SLC7A9: variants seen among roughly 807,000 people sequenced by gnomAD.
The protein encoded by SLC7A9 is solute carrier family 7 member 9.
SLC7A9 carries 38 observed loss-of-function variants against 54.1 expected under a neutral mutation model. That is an observed-to-expected ratio of 0.70 (90% confidence interval 0.54 to 0.92). SLC7A9 has a LOEUF of 0.92. Among genes scored for constraint, SLC7A9 ranks in the 40% least tolerant of loss-of-function variants. The pLI is 0.00. For missense variants in SLC7A9, 537 were observed against 636.1 expected (o/e 0.84, Z 1.68); for synonymous variants, 264 against 258.9 (o/e 1.02, Z -0.19).
intron 5 of SLC7A9, 36 bp downstream of exon 5, chr19:32,862,425 G>A (rs370233389): frequency 6.8e-5 from 110 of 1,611,812 alleles, no homozygotes; most frequent in Non-Finnish European, 8.5e-5. Context: ...GGCGTTTGGT[G>A]TGTGCCCGTG....
intron 12 of SLC7A9, among the ~76,000 whole-genome samples, chr19:32,832,613 G>T (rs1219774529): frequency 7.3e-6 from 1 of 137,180 alleles, no homozygotes; most frequent in Non-Finnish European, 1.6e-5. Flanking sequence ...AAGAAAGAAA[G>T]AAAGAAAAAG....
At chr19:32,845,864 T>G (rs1245376099) in intron 9 of SLC7A9, among the ~76,000 whole-genome samples, 1 of 151,762 alleles carries the variant, frequency 6.6e-6, no homozygotes, top group African/African-American at 2.4e-5. Context: ...AAAAATTAGG[T>G]GTGATGGCAG....
chr19:32,866,074 C>T (rs765847748), intron 2 of SLC7A9, among the ~76,000 whole-genome samples: 4 of 152,148 alleles, frequency 2.6e-5, no homozygotes, highest in Non-Finnish European at 5.9e-5. Flanking sequence ...GAAGCAGCCC[C>T]GGCCAGATCT....
intron 11 of SLC7A9, among the ~76,000 whole-genome samples, chr19:32,837,451 A>T (rs1380143310): frequency 1.4e-5 from 2 of 146,596 alleles, no homozygotes; most frequent in Non-Finnish European, 3.0e-5. Context: ...TTGTAATCAC[A>T]CCACTGCACT....
At chr19:32,854,056 G>A (rs1054722646) in intron 9 of SLC7A9, among the ~76,000 whole-genome samples, 3 of 150,022 alleles carry the variant, frequency 2.0e-5, no homozygotes, top group African/African-American at 7.4e-5. Flanking sequence ...CTCCCAGGCT[G>A]GAGTGCAGTG....
Position 32,859,865 on chromosome 19 carries a change from G to C in SLC7A9, c.849C>G (p.Leu283=). 6.2e-7 allele frequency: 1 copy of C among 1,614,124 alleles called. No homozygotes were observed. The highest frequency in any genetic ancestry group is 1.1e-5 in the South Asian group (1 of 91,086). The change falls in exon 8 of 13, where the codon CTC becomes CTG. Residue 283 remains leucine (L), a synonymous_variant. Coordinates refer to ENST00000023064, the MANE Select transcript of SLC7A9 (RefSeq NM_014270.5). The part of the protein sequence containing the change: ...SYFTVMTATE[L]LQSQAVAVTF... The stretch of plus-strand genomic sequence containing the variant: ...CCACAGCCACCGCCTGGGACTGCAG[G>C]AGTTCGGTGGCAGTCATCACGGTGA...
At chr19:32,836,921 C>G (rs1967974323) in intron 11 of SLC7A9, among the ~76,000 whole-genome samples, 1 of 152,114 alleles carries the variant, frequency 6.6e-6, no homozygotes, top group African/African-American at 2.4e-5. Context: ...TCTGTATATT[C>G]ATTTGCTTGA....
At chr19:32,831,151 G>A (rs865885267) in intron 12 of SLC7A9, 112 of 163,198 alleles carry the variant, frequency 6.9e-4, no homozygotes, top group African/African-American at 2.6e-3. Context: ...TCAGGAGATC[G>A]AGAATATCCT....
intron 2 of SLC7A9, among the ~76,000 whole-genome samples, chr19:32,868,092 A>G (rs11084676): frequency 0.46 from 69,924 of 151,136 alleles, 16,962 homozygotes; most frequent in East Asian, 0.67. Flanking sequence ...TTAGCCGGGT[A>G]TGGTGGCGGG....
At chr19:32,834,300 C>T (rs1967892006) in intron 11 of SLC7A9, among the ~76,000 whole-genome samples, 1 of 152,260 alleles carries the variant, frequency 6.6e-6, no homozygotes, top group South Asian at 2.1e-4. Context: ...CTCCAGAGAG[C>T]TTTGTTTCCT....
At chr19:32,863,374 A>G (rs11672949) in intron 4 of SLC7A9, among the ~76,000 whole-genome samples, 51,589 of 149,452 alleles carry the variant, frequency 0.35, 8,955 homozygotes, top group Middle Eastern at 0.41. Context: ...TAATCCCTCC[A>G]CCTTGGTCTC....
chr19:32,830,759 A>T, intron 12 of SLC7A9, 75 bp from the exon 13 acceptor site: 1 of 1,189,986 alleles, frequency 8.4e-7, no homozygotes, highest in South Asian at 1.2e-5. Flanking sequence ...GTTGTGGGTG[A>T]GGGTGACATT....
chr19:32,837,169 C>T (rs1329379837), intron 11 of SLC7A9, among the ~76,000 whole-genome samples: 1 of 152,124 alleles, frequency 6.6e-6, no homozygotes, highest in Non-Finnish European at 1.5e-5. Context: ...CCCCCCAGGC[C>T]TGTGTCCCTT....
intron 9 of SLC7A9, among the ~76,000 whole-genome samples, chr19:32,852,103 C>CA (rs1968487329): frequency 1.3e-5 from 2 of 152,016 alleles, no homozygotes; most frequent in Non-Finnish European, 2.9e-5. Flanking sequence ...AGCACACCAA[C>CA]ATGGCACATG....
rs772968121 is a variant in SLC7A9 at position 32,860,101 on chromosome 19, TGAGAATGCTGCCTCTCTCA to T, written c.750-156_750-138del. ...AGCAGGAACATAAGACATTTTCAAA[TGAGAATGCTGCCTCTCTCA>T]GACTCCAGAGCAGTTCACATGGAAC... is the stretch of plus-strand genomic sequence containing the variant. On this transcript the variant is annotated intron_variant, in intron 7 of 12. Coordinates refer to ENST00000023064, the MANE Select transcript of SLC7A9 (RefSeq NM_014270.5). 2.1e-5 allele frequency: 33 copies of T among 1,559,930 alleles called. No homozygotes were observed. The African/African-American group carries it at 3.4e-4, about 16-fold the overall frequency.
At chr19:32,853,261 G>A (rs935064637) in intron 9 of SLC7A9, among the ~76,000 whole-genome samples, 1 of 152,202 alleles carries the variant, frequency 6.6e-6, no homozygotes, top group South Asian at 2.1e-4. Flanking sequence ...TATAGAGACA[G>A]AAGTAGATTA....
intron 9 of SLC7A9, among the ~76,000 whole-genome samples, chr19:32,852,983 G>A (rs1235788589): frequency 2.0e-5 from 3 of 147,536 alleles, no homozygotes; most frequent in African/African-American, 5.0e-5. Context: ...GTGCAATCTC[G>A]GCTCACTGCA....
intron 9 of SLC7A9, among the ~76,000 whole-genome samples, chr19:32,844,201 G>C (rs920492980): frequency 2.0e-5 from 3 of 152,142 alleles, no homozygotes; most frequent in African/African-American, 7.2e-5. Context: ...AACACCTTGG[G>C]AGGCCAAGGC....
At chr19:32,838,949 T>C (rs1217929920) in intron 11 of SLC7A9, among the ~76,000 whole-genome samples, 2 of 151,894 alleles carry the variant, frequency 1.3e-5, no homozygotes, top group African/African-American at 4.8e-5. Context: ...ACCCTTAGTT[T>C]CTTCTTTTTT....
Sources: allele counts gnomAD v4.1 joint callset (sites outside exome capture counted in the v4.1 genomes callset), GRCh38; gene constraint gnomAD v4.1.1; transcripts MANE v1.5; gene names NCBI Gene and HGNC (gene_info 2026-07-23, HGNC 2026-07-21).